The following NUDT4 variants were observed in gnomAD, a reference collection of about 807,000 sequenced individuals.
NUDT4 encodes nudix hydrolase 4.
In NUDT4, 5 loss-of-function variants were observed where a neutral mutation model predicts 23.1. The ratio of observed to expected loss-of-function variants is 0.22; its 90% CI spans 0.11 to 0.46. The LOEUF is 0.46. Among genes scored for constraint, NUDT4 ranks in the 20% least tolerant of loss-of-function variants. The pLI, the probability that NUDT4 is intolerant of heterozygous loss-of-function variation, is 0.99. For synonymous variants in NUDT4, 50 were observed against 79.0 expected (o/e 0.63, Z 1.95); for missense variants, 96 against 211.6 (o/e 0.45, Z 3.39).
At chr12:93,383,692 C>G (rs144287119) in intron 1 of NUDT4, among the ~76,000 whole-genome samples, 1 of 152,030 alleles carries the variant, frequency 6.6e-6, no homozygotes, top group South Asian at 2.1e-4. Flanking sequence ...ATTAGCCAGG[C>G]GTGGTGGTGT....
intron 1 of NUDT4, among the ~76,000 whole-genome samples, chr12:93,382,180 C>T (rs1457955685): frequency 2.0e-5 from 3 of 150,920 alleles, no homozygotes; most frequent in Non-Finnish European, 2.9e-5. Flanking sequence ...ATGAGAATCC[C>T]TTGAACCTGG....
intron 1 of NUDT4, chr12:93,378,764 G>GCA: frequency 2.9e-6 from 3 of 1,026,136 alleles, no homozygotes; most frequent in Non-Finnish European, 3.5e-6. Flanking sequence ...AACCTCGAGT[G>GCA]CTCAGCGAGA....
chr12:93,405,118 AAG>A lies in NUDT4; in HGVS notation c.*5743_*5744del, dbSNP rs927677119. On this transcript the variant is annotated 3_prime_UTR_variant, in exon 5 of 5. Transcript: ENST00000415493. ...GTCCTGATGTGTCCTGTTAAAACCT[AAG>A]AGAAACAGCACCAAGTTCAATCTAG... The A allele has an allele frequency of 4.6e-5, 7 of 152,174 alleles. No homozygotes were observed. Among genetic ancestry groups the A allele is most frequent in the Non-Finnish European group, 7.3e-5 (5 of 68,040 alleles). 9.4% of individuals were successfully genotyped at this position (152,174 alleles called of 1,614,324 possible).
At chr12:93,386,510 G>A (rs1876109147) in intron 1 of NUDT4, among the ~76,000 whole-genome samples, 1 of 151,758 alleles carries the variant, frequency 6.6e-6, no homozygotes, top group Non-Finnish European at 1.5e-5. Context: ...AACCCAGGAG[G>A]CAAAGGTTGC....
At chr12:93,384,480 C>A (rs1046615451) in intron 1 of NUDT4, among the ~76,000 whole-genome samples, 1 of 151,894 alleles carries the variant, frequency 6.6e-6, no homozygotes, top group African/African-American at 2.4e-5. Context: ...GGTGTCCGAT[C>A]TTTTAGCTTC....
chr12:93,389,398 G>C (rs1230753754), intron 1 of NUDT4, among the ~76,000 whole-genome samples: 2 of 152,046 alleles, frequency 1.3e-5, no homozygotes, highest in East Asian at 3.9e-4. Context: ...CTTGAACCGG[G>C]GAGGCGGAGG....
chr12:93,380,514 C>T (rs1875583910), intron 1 of NUDT4, among the ~76,000 whole-genome samples: 1 of 152,128 alleles, frequency 6.6e-6, no homozygotes. Flanking sequence ...TTGTATAAAA[C>T]TTTGTAAATC....
At chr12:93,378,451 C>T (rs1244371704) in intron 1 of NUDT4, 30 bp downstream of exon 1, 1 of 1,521,338 alleles carries the variant, frequency 6.6e-7, no homozygotes, top group Non-Finnish European at 8.9e-7. Context: ...ACGCTGCCCT[C>T]CGGGGCGCCG....
At chr12:93,383,427 AT>A (rs1455944173) in intron 1 of NUDT4, among the ~76,000 whole-genome samples, 2 of 152,080 alleles carry the variant, frequency 1.3e-5, no homozygotes, top group African/African-American at 4.8e-5. Flanking sequence ...GGCTGGCCTA[AT>A]TTTGGCTAAA....
chr12:93,399,206 G>A lies in NUDT4; in HGVS notation c.370G>A (p.Asp124Asn). ...GAAGAGAGAGTGGTTCAAAGTAGAA[G>A]ATGCTATCAAAGTTCTCCAGTGTCA... ...GRKREWFKVE[D>N]AIKVLQCHKP... is the part of the protein sequence containing the mutation. Residue 124 changes from aspartate to asparagine, a missense_variant, in exon 5 of 5, where the codon GAT becomes AAT. By Grantham distance (23) the Asp-to-Asn change is conservative (BLOSUM62 1). Coordinates refer to ENST00000415493, the MANE Select transcript of NUDT4 (RefSeq NM_019094.6). 6.2e-7 allele frequency: 1 copy of A among 1,603,338 alleles called. No homozygotes were observed. Among genetic ancestry groups the A allele is most frequent in the Non-Finnish European group, 8.5e-7 (1 of 1,170,398 alleles).
intron 1 of NUDT4, among the ~76,000 whole-genome samples, chr12:93,394,196 GT>G (rs1176170456): frequency 6.6e-6 from 1 of 152,140 alleles, no homozygotes; most frequent in Non-Finnish European, 1.5e-5. Flanking sequence ...GGGGTTTGGG[GT>G]TTCACCATGT....
chr12:93,396,826 C>T (rs1876968775), intron 3 of NUDT4, among the ~76,000 whole-genome samples: 1 of 152,132 alleles, frequency 6.6e-6, no homozygotes, highest in Non-Finnish European at 1.5e-5. Flanking sequence ...GGCAGAATGG[C>T]TTGAACCCGG....
In NUDT4 at chr12:93,398,757, T is replaced by C. The variant is rs762609546; in HGVS notation, c.256-14T>C. On this transcript the variant is annotated splice_polypyrimidine_tract_variant and intron_variant, in intron 3 of 4. Transcript: ENST00000415493. ...CCTGTAGATTAAAATGCATTTCTTTTTATATTCAAGCAGAACCAAGACCGA... is the reference window on the plus strand; with the variant it reads ...CCTGTAGATTAAAATGCATTTCTTTCTATATTCAAGCAGAACCAAGACCGA... 2.5e-6 allele frequency: 4 copies of C among 1,574,302 alleles called. No individual in the cohort carries two copies. The highest frequency in any genetic ancestry group is 3.5e-6 in the Non-Finnish European group (4 of 1,151,046).
At chr12:93,378,840 A>C (rs1875414637) in intron 1 of NUDT4, 2 of 960,290 alleles carry the variant, frequency 2.1e-6, no homozygotes, top group Non-Finnish European at 2.5e-6. Context: ...TTTTCCTTCC[A>C]TGTTACAGCC....
rs1877914892 is a variant in NUDT4, at chr12:93,408,087, A to G, written c.*8708A>G. 6.6e-6 allele frequency: 1 copy of G among 152,222 alleles called. No individual in the cohort carries two copies. The highest frequency in any genetic ancestry group is 6.5e-5 in the Admixed American group (1 of 15,284). The allele number at this position is 152,222 out of a possible 1,614,324, so 9.4% of individuals were successfully genotyped here. A position where few individuals can be genotyped will look rare whatever the true frequency, so the allele number is the denominator to read the frequency against. The stretch of plus-strand genomic sequence containing the variant: ...GGTTTGTAAATCACTATGTGATACT[A>G]GCTATAACCATGAGCAATATTACGG... On this transcript the variant is annotated 3_prime_UTR_variant, in exon 5 of 5. Transcript: ENST00000415493.
At chr12:93,381,303 C>A (rs1875642700) in intron 1 of NUDT4, among the ~76,000 whole-genome samples, 1 of 152,204 alleles carries the variant, frequency 6.6e-6, no homozygotes, top group South Asian at 2.1e-4. Context: ...CTAGTTATTT[C>A]TGTGGGGAAG....
At chr12:93,394,046 A>G (rs996133643) in intron 1 of NUDT4, among the ~76,000 whole-genome samples, 1 of 152,124 alleles carries the variant, frequency 6.6e-6, no homozygotes, top group Non-Finnish European at 1.5e-5. Flanking sequence ...TCTGTCACCC[A>G]TGCTGGAGTA....
chr12:93,395,731 A>G (rs187515422), intron 3 of NUDT4, among the ~76,000 whole-genome samples, 198 bp downstream of exon 3: 1 of 151,684 alleles, frequency 6.6e-6, no homozygotes, highest in African/African-American at 2.4e-5. Context: ...TTTTTAATTA[A>G]TTTTTTTTAA....
At chr12:93,383,651 G>A (rs530885830) in intron 1 of NUDT4, among the ~76,000 whole-genome samples, 2 of 152,300 alleles carry the variant, frequency 1.3e-5, no homozygotes, top group Admixed American at 1.3e-4. Flanking sequence ...GGGCAACATG[G>A]CAAAACCTCG....
Sources: gnomAD v4.1 joint callset for allele counts (sites outside exome capture counted in the v4.1 genomes callset) on GRCh38, gnomAD v4.1.1 for gene constraint, MANE v1.5 for transcripts, NCBI Gene and HGNC (gene_info 2026-07-23, HGNC 2026-07-21) for gene names.